Variants in FCHSD2 observed in about 807,000 individuals in gnomAD.
FCHSD2 encodes the protein F-BAR and double SH3 domains protein 2.
FCHSD2 carries 38 observed loss-of-function variants against 108.1 expected under a neutral mutation model. That is an observed-to-expected ratio of 0.35 (90% CI 0.27 to 0.46). The LOEUF is 0.46. Ranked by LOEUF, FCHSD2 falls within the 20% of genes least tolerant of loss-of-function variation. The probability of loss-of-function intolerance (pLI) is 1.00; values close to 1 mark genes in which losing one functional copy is unlikely to be tolerated. For missense variants in FCHSD2, 751 were observed against 897.8 expected (o/e 0.84, Z 2.09); for synonymous variants, 279 against 314.7 (o/e 0.89, Z 1.20).
intron 10 of FCHSD2, among the ~76,000 whole-genome samples, chr11:72,899,433 C>T (rs1039612357): frequency 6.6e-5 from 10 of 152,066 alleles, no homozygotes; most frequent in Non-Finnish European, 1.2e-4. Flanking sequence ...ACCAGAACCA[C>T]GAGATACTAT....
At chr11:72,945,926 G>A (rs1464149443) in intron 8 of FCHSD2, among the ~76,000 whole-genome samples, 6 of 152,128 alleles carry the variant, frequency 3.9e-5, no homozygotes, top group South Asian at 4.1e-4. Context: ...GGAGAAATAG[G>A]AACACTTTTA....
At position 72,842,613 on chromosome 11, in the gene FCHSD2, T is replaced by G. The variant is rs1355610727; in HGVS notation, c.1926+8A>C. 1 of 1,613,876 alleles carries G rather than the reference T, an allele frequency of 6.2e-7. No individual in the cohort carries two copies. The highest frequency in any genetic ancestry group is 8.5e-7 in the Non-Finnish European group (1 of 1,179,892). On this transcript the variant is annotated splice_region_variant and intron_variant, in intron 17 of 19. Coordinates refer to ENST00000409418, the MANE Select transcript of FCHSD2 (RefSeq NM_014824.3). ...TCTTTTAATTCAACTGTCTCCCCTC[T>G]CAGGTACCTGAATCTCTCTCATCCA...
At chr11:73,016,967 T>A (rs773432009) in intron 3 of FCHSD2, among the ~76,000 whole-genome samples, 1 of 152,154 alleles carries the variant, frequency 6.6e-6, no homozygotes, top group African/African-American at 2.4e-5. Flanking sequence ...ATGTTTGTTT[T>A]TTTGCTTGTT....
chr11:72,974,981 C>T (rs925786695), intron 8 of FCHSD2, among the ~76,000 whole-genome samples: 61 of 152,072 alleles, frequency 4.0e-4, no homozygotes, highest in African/African-American at 1.4e-3. Flanking sequence ...AGCCACAACT[C>T]AAAATAAAAA....
chr11:72,839,577 T>C (rs1487089224), intron 19 of FCHSD2, among the ~76,000 whole-genome samples: 3 of 151,960 alleles, frequency 2.0e-5, no homozygotes, highest in Non-Finnish European at 4.4e-5. Flanking sequence ...CCTGGCAGGA[T>C]TTGGGAATGA....
chr11:72,968,768 C>A (rs1447437344), intron 8 of FCHSD2, among the ~76,000 whole-genome samples: 1 of 152,298 alleles, frequency 6.6e-6, no homozygotes, highest in East Asian at 1.9e-4. Context: ...GATGCTCTGA[C>A]CAGTCATCCT....
chr11:72,977,400 C>A (rs1857123596), intron 8 of FCHSD2, among the ~76,000 whole-genome samples: 1 of 151,936 alleles, frequency 6.6e-6, no homozygotes, highest in Non-Finnish European at 1.5e-5. Flanking sequence ...CAGAGACAGC[C>A]CATGGAATGG....
chr11:72,922,187 GAA>G (rs944221903), intron 8 of FCHSD2, among the ~76,000 whole-genome samples: 1 of 152,142 alleles, frequency 6.6e-6, no homozygotes, highest in African/African-American at 2.4e-5. Flanking sequence ...AAAGCTGTGG[GAA>G]AACAGGACAC....
chr11:72,981,738 G>A (rs1857219270), intron 8 of FCHSD2, among the ~76,000 whole-genome samples: 1 of 152,214 alleles, frequency 6.6e-6, no homozygotes, highest in African/African-American at 2.4e-5. Flanking sequence ...CATTTTGGGA[G>A]GCTGAGGTGG....
intron 8 of FCHSD2, among the ~76,000 whole-genome samples, chr11:72,941,480 T>G: frequency 9.7e-6 from 1 of 102,848 alleles, no homozygotes. Context: ...CTCCCAACTC[T>G]ATTAATATAT....
chr11:73,026,000 G>C (rs1049924410), intron 3 of FCHSD2, among the ~76,000 whole-genome samples: 11 of 149,936 alleles, frequency 7.3e-5, no homozygotes, highest in Admixed American at 2.0e-4. Context: ...TTTTATGTAT[G>C]TATGTATGTA....
chr11:72,852,655 T>C (rs988018505), intron 13 of FCHSD2, among the ~76,000 whole-genome samples: 33 of 151,392 alleles, frequency 2.2e-4, no homozygotes, highest in African/African-American at 1.5e-4. Context: ...CAGAGCAAGA[T>C]TGTCTTAAAA....
intron 2 of FCHSD2, among the ~76,000 whole-genome samples, chr11:73,093,920 T>A (rs1396923015): frequency 6.7e-6 from 1 of 148,704 alleles, no homozygotes; most frequent in Non-Finnish European, 1.5e-5. Flanking sequence ...ATGTTAAGAA[T>A]AAAGATAGGA....
chr11:73,099,407 T>A (rs1194613045), intron 2 of FCHSD2, among the ~76,000 whole-genome samples: 1 of 152,088 alleles, frequency 6.6e-6, no homozygotes, highest in Non-Finnish European at 1.5e-5. Flanking sequence ...CCTCAAAAAG[T>A]TAAACACTGA....
At chr11:73,127,184 C>T (rs1314739239) in intron 2 of FCHSD2, among the ~76,000 whole-genome samples, 1 of 152,156 alleles carries the variant, frequency 6.6e-6, no homozygotes, top group Non-Finnish European at 1.5e-5. Context: ...CATGGTAACA[C>T]TTTTCATAAC....
At chr11:73,056,997 G>A (rs1393556411) in intron 3 of FCHSD2, among the ~76,000 whole-genome samples, 9 of 152,048 alleles carry the variant, frequency 5.9e-5, no homozygotes, top group Non-Finnish European at 2.9e-5. Flanking sequence ...GCAGGAGAAT[G>A]GCGTGAACCC....
chr11:73,069,294 G>A (rs1164505535), intron 3 of FCHSD2, among the ~76,000 whole-genome samples: 2 of 107,402 alleles, frequency 1.9e-5, no homozygotes, highest in Non-Finnish European at 3.4e-5. Flanking sequence ...CTGGGTGACA[G>A]AGCAAAACTC....
chr11:72,964,760 C>A (rs1856874383), intron 8 of FCHSD2, among the ~76,000 whole-genome samples: 1 of 150,980 alleles, frequency 6.6e-6, no homozygotes, highest in Non-Finnish European at 1.5e-5. Context: ...CAGAGTAATC[C>A]TTCCAAACAT....
intron 10 of FCHSD2, among the ~76,000 whole-genome samples, chr11:72,898,068 T>C (rs1265179368): frequency 6.6e-6 from 1 of 152,152 alleles, no homozygotes; most frequent in African/African-American, 2.4e-5. Context: ...AGAACAAAGC[T>C]TGCCATTGGT....
Sources: allele counts gnomAD v4.1 joint callset (sites outside exome capture counted in the v4.1 genomes callset), GRCh38; gene constraint gnomAD v4.1.1; transcripts MANE v1.5; gene names NCBI Gene and HGNC (gene_info 2026-07-23, HGNC 2026-07-21).